Variants in SMURF1 observed in about 807,000 individuals in gnomAD.
SMURF1 encodes E3 ubiquitin-protein ligase SMURF1.
Under a neutral mutation model 98.0 loss-of-function variants are expected in SMURF1, and 44 were observed. That is an observed-to-expected ratio of 0.45 (90% confidence interval 0.35 to 0.58). SMURF1 has a LOEUF of 0.58. Ranked by LOEUF, SMURF1 falls within the 20% of genes least tolerant of loss-of-function variation. The probability of loss-of-function intolerance (pLI) is 0.00; values close to 1 mark genes in which losing one functional copy is unlikely to be tolerated. For missense variants in SMURF1, 687 were observed against 938.4 expected (o/e 0.73, Z 3.50); for synonymous variants, 396 against 374.9 (o/e 1.06, Z -0.65).
chr7:99,044,301 G>A (rs1247207934), intron 11 of SMURF1, among the ~76,000 whole-genome samples: 1 of 152,028 alleles, frequency 6.6e-6, no homozygotes, highest in Non-Finnish European at 1.5e-5. Flanking sequence ...CATAGAGTGA[G>A]ATGCTGTCTC....
intron 2 of SMURF1, 112 bp from the exon 3 acceptor site, chr7:99,060,819 G>T (rs973921396): frequency 7.6e-6 from 5 of 658,434 alleles, no homozygotes; most frequent in Non-Finnish European, 1.3e-5. Context: ...AGCAAAATAA[G>T]TTATGTCTAT....
At chr7:99,059,354 C>T (rs1433156190) in intron 3 of SMURF1, among the ~76,000 whole-genome samples, 53 of 144,822 alleles carry the variant, frequency 3.7e-4, no homozygotes, top group South Asian at 1.3e-3. Flanking sequence ...GCCGAGATCC[C>T]GCCACTGCAC....
chr7:99,037,896 G>C (rs992928739), intron 14 of SMURF1, among the ~76,000 whole-genome samples: 1 of 152,216 alleles, frequency 6.6e-6, no homozygotes, highest in Non-Finnish European at 1.5e-5. Flanking sequence ...TTTAAAAATT[G>C]TTTAAATGTG....
chr7:99,056,473 C>T (rs1795878049), intron 5 of SMURF1, among the ~76,000 whole-genome samples: 1 of 152,208 alleles, frequency 6.6e-6, no homozygotes, highest in Admixed American at 6.5e-5. Context: ...AGTCCCCTGA[C>T]TGTACAAATC....
chr7:99,040,295 GCGCGCGCGCGCGCA>G, intron 13 of SMURF1, 69 bp downstream of exon 13: 1 of 697,650 alleles, frequency 1.4e-6, no homozygotes, highest in Non-Finnish European at 1.8e-6. Context: ...ACACACACAC[GCGCGCGCGCGCGCA>G]CGCGCATACA....
At chr7:99,038,340 G>A in intron 14 of SMURF1, 48 bp downstream of exon 14, 1 of 1,601,080 alleles carries the variant, frequency 6.2e-7, no homozygotes, top group Non-Finnish European at 8.5e-7. Flanking sequence ...CTAAATGCAG[G>A]CTCAGCCGCG....
chr7:99,052,839 A>T (rs1215146479), intron 6 of SMURF1, among the ~76,000 whole-genome samples: 1 of 152,168 alleles, frequency 6.6e-6, no homozygotes, highest in Non-Finnish European at 1.5e-5. Context: ...CGAAGTGGGC[A>T]GATCACTTGA....
In SMURF1 at chr7:99,143,828, A is replaced by AGACCG. The variant is rs1798208130; in HGVS notation, c.-49_-48insCGGTC. 6.9e-7 allele frequency: 1 copy of AGACCG among 1,442,106 alleles called. No individual in the cohort carries two copies. Among genetic ancestry groups the AGACCG allele is most frequent in the African/African-American group, 1.5e-5 (1 of 66,250 alleles). The allele number at this position is 1,442,106 out of a possible 1,614,324, so 89.3% of individuals were successfully genotyped here. A position where few individuals can be genotyped will look rare whatever the true frequency, so the allele number is the denominator to read the frequency against. On this transcript the variant is annotated 5_prime_UTR_variant, in exon 1 of 18. Transcript: ENST00000361368. Reference sequence around the variant, plus strand: ...CGCGGATCCAGCGCCACCGCCCCCCAGCCCGGCCCGGCCCGGCCCCGCCGC... The same window carrying AGACCG: ...CGCGGATCCAGCGCCACCGCCCCCCAGACCGGCCCGGCCCGGCCCGGCCCCGCCGC...
chr7:99,054,948 T>C lies in SMURF1; in HGVS notation c.404-83A>G. 5.6e-6 allele frequency: 7 copies of C among 1,249,412 alleles called. No homozygotes were observed. In the South Asian group the frequency reaches 7.2e-5, roughly 13 times the overall value. The allele number at this position is 1,249,412 out of a possible 1,614,324, so 77.4% of individuals were successfully genotyped here. A position where few individuals can be genotyped will look rare whatever the true frequency, so the allele number is the denominator to read the frequency against. On this transcript the variant is annotated intron_variant, in intron 5 of 17. Coordinates refer to ENST00000361368, the MANE Select transcript of SMURF1 (RefSeq NM_181349.3). ...ACAGTGAGTCATTGCTAATTTAGAA[T>C]TTATGTACAATATCATAAAAAACGA...
chr7:99,073,235 T>C (rs1796371152), intron 1 of SMURF1, among the ~76,000 whole-genome samples: 2 of 150,780 alleles, frequency 1.3e-5, no homozygotes, highest in Admixed American at 6.6e-5. Context: ...AAAAGTTAGC[T>C]GGGCCTGGTG....
rs763373299 is a variant in SMURF1 at position 99,057,444 on chromosome 7, G to A, written c.311C>T (p.Ala104Val). Residue 104 changes from alanine (A) to valine (V), a missense_variant, in exon 4 of 18, where the codon GCC becomes GTC. Physicochemically the swap from Ala to Val is moderately conservative, Grantham distance 64 (BLOSUM62 0). Transcript: ENST00000361368. ...TCCGGTATCTTTTAATCTGCTGATG[G>A]CATTGGAGAGCAGCCGCACACAGCC... ...FLGCVRLLSNAISRLKDTGYQ... is the reference protein window; with the variant it reads ...FLGCVRLLSNVISRLKDTGYQ... 6.2e-7 allele frequency: 1 copy of A among 1,607,980 alleles called. No homozygotes were observed. Among genetic ancestry groups the A allele is most frequent in the Non-Finnish European group, 8.5e-7 (1 of 1,178,658 alleles).
rs1300899564 is a variant in SMURF1 at position 99,037,201 on chromosome 7, T to C, written c.1689-14A>G. 2 of 1,613,754 alleles carry C rather than the reference T, an allele frequency of 1.2e-6. No homozygotes were observed. Reference sequence around the variant, plus strand: ...TTTACATACAACCTGGAAGAAAAACTCGCAAGTTGGATGCAACACCAAGTG... The same window carrying C: ...TTTACATACAACCTGGAAGAAAAACCCGCAAGTTGGATGCAACACCAAGTG... On this transcript the variant is annotated splice_polypyrimidine_tract_variant and intron_variant, in intron 14 of 17. Coordinates refer to ENST00000361368, the MANE Select transcript of SMURF1 (RefSeq NM_181349.3).
rs219797 is a variant in SMURF1, at chr7:99,052,428, G to A, written c.498C>T (p.Ser166=). ...AGCAGCTGAGCGGCCTCCCAGGCCC[G>A]GAGTCTTCATACACCGTTCTGAAAG... ...LENEGTVYED[S]GPGRPLSCFM... is the part of the protein sequence containing the mutation. Residue 166 remains serine (S), a synonymous_variant, in exon 7 of 18, where the codon TCC becomes TCT. Transcript: ENST00000361368. 77 of 1,580,132 alleles carry A rather than the reference G, an allele frequency of 4.9e-5. No individual in the cohort carries two copies. The South Asian group carries it at 7.8e-4, about 16-fold the overall frequency.
At chr7:99,086,794 A>G (rs1012299877) in intron 1 of SMURF1, among the ~76,000 whole-genome samples, 41 of 152,238 alleles carry the variant, frequency 2.7e-4, no homozygotes, top group African/African-American at 8.4e-4. Context: ...AATGTGCTAA[A>G]TTAAAGAAGT....
chr7:99,033,819 C>T (rs1017256087), intron 16 of SMURF1, among the ~76,000 whole-genome samples: 1 of 152,220 alleles, frequency 6.6e-6, no homozygotes, highest in African/African-American at 2.4e-5. Context: ...TTTCCAAACT[C>T]AGCCCCAAGT....
At chr7:99,095,087 A>AT (rs1429224645) in intron 1 of SMURF1, among the ~76,000 whole-genome samples, 1 of 151,278 alleles carries the variant, frequency 6.6e-6, no homozygotes, top group Non-Finnish European at 1.5e-5. Flanking sequence ...ATTTTATTTT[A>AT]TTTTACTTTT....
chr7:99,121,069 A>C (rs1563038269), intron 1 of SMURF1: 2 of 152,136 alleles, frequency 1.3e-5, no homozygotes, highest in South Asian at 4.1e-4. Flanking sequence ...TCGGGCATCA[A>C]GATATTGAAA....
intron 3 of SMURF1, among the ~76,000 whole-genome samples, chr7:99,059,216 G>A (rs905278656): frequency 4.0e-5 from 6 of 150,884 alleles, no homozygotes; most frequent in African/African-American, 7.3e-5. Flanking sequence ...CGGCTAAAAC[G>A]GTGAAACCCC....
At chr7:99,054,676 T>A in intron 6 of SMURF1, 114 bp downstream of exon 6, 1 of 832,504 alleles carries the variant, frequency 1.2e-6, no homozygotes, top group South Asian at 1.5e-5. Flanking sequence ...CAACATCCTT[T>A]ATGCATCTCA....
Sources: allele counts gnomAD v4.1 joint callset (sites outside exome capture counted in the v4.1 genomes callset), GRCh38; gene constraint gnomAD v4.1.1; transcripts MANE v1.5; gene names NCBI Gene and HGNC (gene_info 2026-07-23, HGNC 2026-07-21).